PCDH15: variants seen among roughly 807,000 people sequenced by gnomAD.
PCDH15 encodes protocadherin related 15.
A neutral mutation model predicts 178.5 loss-of-function variants in PCDH15; 129 were observed. The ratio of observed to expected loss-of-function variants is 0.72; its 90% confidence interval spans 0.63 to 0.84. The LOEUF (loss-of-function observed/expected upper bound fraction) is 0.84, where lower values mean the gene tolerates loss of function less well. Ranked by LOEUF, PCDH15 falls within the 40% of genes least tolerant of loss-of-function variation. The pLI is 0.00. For synonymous variants in PCDH15, 800 were observed against 732.0 expected, an observed-to-expected ratio of 1.09 and a Z score of -1.50; for missense variants, 2,230 against 2,099.9, an observed-to-expected ratio of 1.06 and a Z score of -1.21.
At position 53,959,767 on chromosome 10, in the gene PCDH15, A is replaced by G. The variant is rs1264180698; in HGVS notation, c.3087T>C (p.Pro1029=). Residue 1029 remains proline (P), a synonymous_variant, in exon 23 of 38, where the codon CCT becomes CCC. Transcript: ENST00000644397. The part of the protein sequence containing the change: ...SATVKILVLH[P]GEIPRFTQEE... ...CCTGTGTGAAGCGTGGGATCTCACC[A>G]GGATGTAAGACAAGAATCTTCACTG... The G allele has an allele frequency of 1.2e-6, 2 of 1,614,008 alleles. No homozygotes were observed. The highest frequency in any genetic ancestry group is 1.7e-6 in the Non-Finnish European group (2 of 1,179,900).
At chr10:55,279,717 A>C (rs2132255928) in intron 1 of PCDH15, among the ~76,000 whole-genome samples, 1 of 152,298 alleles carries the variant, frequency 6.6e-6, no homozygotes, top group East Asian at 1.9e-4. Context: ...CATCAATAGA[A>C]AGAGATATCA....
chr10:54,105,404 ACT>A (rs1224152905), intron 15 of PCDH15, among the ~76,000 whole-genome samples: 1 of 150,862 alleles, frequency 6.6e-6, no homozygotes, highest in East Asian at 2.0e-4. Flanking sequence ...AGTAGTATTA[ACT>A]CACACAATCA....
At chr10:53,948,959 T>C (rs373875686) in intron 23 of PCDH15, among the ~76,000 whole-genome samples, 12 of 152,188 alleles carry the variant, frequency 7.9e-5, no homozygotes, top group East Asian at 3.9e-4. Flanking sequence ...AAATTTCCCA[T>C]AGATACAATA....
intron 3 of PCDH15, among the ~76,000 whole-genome samples, chr10:54,405,585 C>T (rs1198649019): frequency 6.6e-6 from 1 of 151,632 alleles, no homozygotes; most frequent in Non-Finnish European, 1.5e-5. Context: ...CTAGTAGGTA[C>T]TAGGCTTAAT....
At chr10:54,409,380 C>T (rs898342262) in intron 3 of PCDH15, among the ~76,000 whole-genome samples, 1 of 152,086 alleles carries the variant, frequency 6.6e-6, no homozygotes, top group African/African-American at 2.4e-5. Context: ...CTTAATAAGT[C>T]CCTTCAGCTT....
rs1346348766 is a variant in PCDH15 at position 53,891,142 on chromosome 10, C to T, written c.3501+12101G>A. On this transcript the variant is annotated intron_variant, in intron 26 of 37. Transcript: ENST00000644397. ...GATCTCCTGTGTCAGGTCAGTACAG[C>T]ACAAAGTTAATGGAGGTTCAAGACA... Among the ~76,000 whole-genome samples, 6 of 82,460 alleles carry T rather than the reference C, an allele frequency of 7.3e-5. No homozygotes were observed. The South Asian group carries it at 3.7e-3, about 52-fold the overall frequency. The allele number at this position is 82,460 out of a possible 152,430, so 54.1% of individuals were successfully genotyped here.
intron 2 of PCDH15, among the ~76,000 whole-genome samples, chr10:54,923,825 G>T (rs1187143870): frequency 7.3e-6 from 1 of 137,796 alleles, no homozygotes; most frequent in Non-Finnish European, 1.7e-5. Context: ...GTCTCTAGAA[G>T]TTCAACAATG....
In PCDH15 at chr10:55,544,821, C is replaced by CAGA. The variant is rs1841843193; in HGVS notation, c.-156+82803_-156+82804insTCT. On this transcript the variant is annotated intron_variant, in intron 2 of 5. Coordinates refer to the PCDH15 transcript ENST00000613346. ...ACATACACACATATACACCAGATTGCCTAGAACAGAGAGGGAAAAGAAAAC... is the reference window on the plus strand; with the variant it reads ...ACATACACACATATACACCAGATTGCAGACTAGAACAGAGAGGGAAAAGAAAAC... Among the ~76,000 whole-genome samples the CAGA allele has an allele frequency of 3.3e-5, 5 of 152,050 alleles. No individual in the cohort carries two copies. In the East Asian group the frequency reaches 9.7e-4, roughly 29 times the overall value.
intron 3 of PCDH15, among the ~76,000 whole-genome samples, chr10:54,813,699 C>G (rs1180476941): frequency 6.6e-6 from 1 of 152,186 alleles, no homozygotes; most frequent in African/African-American, 2.4e-5. Flanking sequence ...CGTCTCTTAA[C>G]CCTTCTTTTC....
At chr10:54,535,441 T>G (rs1329350580) in intron 2 of PCDH15, among the ~76,000 whole-genome samples, 3 of 152,146 alleles carry the variant, frequency 2.0e-5, no homozygotes, top group Non-Finnish European at 4.4e-5. Flanking sequence ...CCGGATGCGG[T>G]GGCTCACGCC....
chr10:54,133,492 A>G (rs945300844), intron 14 of PCDH15, among the ~76,000 whole-genome samples: 3 of 152,192 alleles, frequency 2.0e-5, no homozygotes, highest in Non-Finnish European at 2.9e-5. Flanking sequence ...ATGTAAGTGC[A>G]TGTGAGGAGT....
At chr10:55,015,314 G>A (rs1441788755) in intron 2 of PCDH15, among the ~76,000 whole-genome samples, 1 of 150,828 alleles carries the variant, frequency 6.6e-6, no homozygotes, top group Admixed American at 6.6e-5. Context: ...TTTTGCTGTC[G>A]ATCTCCTACC....
At chr10:54,906,195 G>T (rs966372584) in intron 2 of PCDH15, among the ~76,000 whole-genome samples, 6 of 152,016 alleles carry the variant, frequency 3.9e-5, no homozygotes, top group African/African-American at 7.2e-5. Context: ...TTTGTAAATT[G>T]ATACTTCCAG....
intron 13 of PCDH15, among the ~76,000 whole-genome samples, chr10:54,155,482 AT>A (rs2045015877): frequency 6.6e-6 from 1 of 152,108 alleles, no homozygotes; most frequent in Non-Finnish European, 1.5e-5. Flanking sequence ...AGATAACACT[AT>A]TTTTCAGTCT....
chr10:54,792,803 C>G (rs1951546760), intron 1 of PCDH15, among the ~76,000 whole-genome samples: 6 of 151,792 alleles, frequency 4.0e-5, no homozygotes, highest in African/African-American at 1.5e-4. Flanking sequence ...TATCTAATTT[C>G]CTATTCATTC....
At chr10:55,355,220 A>G (rs1251932319) in intron 2 of PCDH15, among the ~76,000 whole-genome samples, 1 of 152,030 alleles carries the variant, frequency 6.6e-6, no homozygotes, top group Non-Finnish European at 1.5e-5. Flanking sequence ...AAACATTTGC[A>G]TGTAGATTTT....
chr10:54,222,933 C>A (rs1156410103), intron 9 of PCDH15, among the ~76,000 whole-genome samples: 1 of 152,092 alleles, frequency 6.6e-6, no homozygotes, highest in African/African-American at 2.4e-5. Context: ...ATTGTCAGTG[C>A]CTTTTGAAAA....
rs560474232 is a variant in PCDH15, at chr10:55,199,520, C to A, written c.-155-32869G>T. ...GTTTGGAAAATTTGCAGCCTGACCA[C>A]GTGGAAGAAAAAAAAAATTTCTGGG... is the stretch of plus-strand genomic sequence containing the variant. On this transcript the variant is annotated intron_variant, in intron 1 of 5. Transcript: ENST00000458638. 1.7e-3 allele frequency among the ~76,000 whole-genome samples: 258 copies of A among 151,556 alleles called. 3 individuals carry two copies. Among genetic ancestry groups the A allele is most frequent in the African/African-American group, 5.8e-3 (241 of 41,200 alleles).
chr10:53,939,869 G>A (rs2256010), intron 24 of PCDH15, among the ~76,000 whole-genome samples: 5,353 of 152,090 alleles, frequency 0.035, 293 homozygotes, highest in African/African-American at 0.12. Context: ...GTTTCGGGAC[G>A]GAACAGGTTG....
Sources: gnomAD v4.1 joint callset for allele counts (sites outside exome capture counted in the v4.1 genomes callset) on GRCh38, gnomAD v4.1.1 for gene constraint, MANE v1.5 for transcripts, NCBI Gene and HGNC (gene_info 2026-07-23, HGNC 2026-07-21) for gene names.